The following EFL1 variants were observed in gnomAD, a reference collection of about 807,000 sequenced individuals.
EFL1 encodes elongation factor like GTPase 1.
A neutral mutation model predicts 126.7 loss-of-function variants in EFL1; 76 were observed. That is an observed-to-expected ratio of 0.60 (90% CI 0.50 to 0.73). EFL1 has a LOEUF of 0.73. Among genes scored for constraint, EFL1 ranks in the 30% least tolerant of loss-of-function variants. The pLI, the probability that EFL1 is intolerant of heterozygous loss-of-function variation, is 0.00. For missense variants in EFL1, 1,128 were observed against 1,343.2 expected (o/e 0.84, Z 2.50); for synonymous variants, 410 against 448.4 (o/e 0.91, Z 1.08).
chr15:82,216,521 A>G (rs2074648479), intron 14 of EFL1, among the ~76,000 whole-genome samples: 1 of 152,166 alleles, frequency 6.6e-6, no homozygotes, highest in African/African-American at 2.4e-5. Flanking sequence ...ACAACCAGAA[A>G]AAAATAAAAT....
At chr15:82,200,144 C>G (rs1296718053) in intron 15 of EFL1, among the ~76,000 whole-genome samples, 1 of 152,164 alleles carries the variant, frequency 6.6e-6, no homozygotes, top group African/African-American at 2.4e-5. Context: ...AAAAAACAAA[C>G]CTGAATACCC....
chr15:82,207,006 A>C (rs1223149954), intron 15 of EFL1, among the ~76,000 whole-genome samples: 1 of 152,162 alleles, frequency 6.6e-6, no homozygotes, highest in East Asian at 1.9e-4. Context: ...TTCACTGCTC[A>C]ATAATATACT....
rs1293222398 is a variant in EFL1 at position 82,228,345 on chromosome 15, T to C, written c.933-18A>G. 2 of 1,610,892 alleles carry C rather than the reference T, an allele frequency of 1.2e-6. No individual in the cohort carries two copies. The highest frequency in any genetic ancestry group is 1.7e-6 in the Non-Finnish European group (2 of 1,178,862). ...CTTTGTCCCTGTGGTAAACACAAGA[T>C]TGGAGAGGGGAAATGTCATATGCAG... On this transcript the variant is annotated intron_variant, in intron 9 of 19. Coordinates refer to ENST00000268206, the MANE Select transcript of EFL1 (RefSeq NM_024580.6).
At chr15:82,247,167 C>T (rs1236223143) in intron 4 of EFL1, among the ~76,000 whole-genome samples, 1 of 151,976 alleles carries the variant, frequency 6.6e-6, no homozygotes, top group Non-Finnish European at 1.5e-5. Flanking sequence ...GAATGGGTAC[C>T]TCATTAATCA....
Position 82,163,706 on chromosome 15 carries a change from G to A in EFL1, c.1882+147C>T, listed in dbSNP as rs1595952689. The A allele has an allele frequency of 5.5e-6, 5 of 901,872 alleles. No homozygotes were observed. The East Asian group carries it at 1.4e-4, about 26-fold the overall frequency. 55.9% of individuals were successfully genotyped at this position (901,872 alleles called of 1,614,324 possible). A position where few individuals can be genotyped will look rare whatever the true frequency, so the allele number is the denominator to read the frequency against. ...CATGTTCCTAAGACAGAAGTTAGAT[G>A]CCCTTTGAAGAGTTGCTTCTACTAT... On this transcript the variant is annotated intron_variant, in intron 16 of 19. Coordinates refer to ENST00000268206, the MANE Select transcript of EFL1 (RefSeq NM_024580.6).
chr15:82,256,854 C>A (rs937871892), intron 3 of EFL1, among the ~76,000 whole-genome samples: 2 of 152,042 alleles, frequency 1.3e-5, no homozygotes, highest in African/African-American at 4.8e-5. Flanking sequence ...TTATACTATG[C>A]TGAATTGTTT....
chr15:82,222,502 G>T (rs1333189789), intron 12 of EFL1, among the ~76,000 whole-genome samples: 1 of 152,164 alleles, frequency 6.6e-6, no homozygotes, highest in Non-Finnish European at 1.5e-5. Context: ...ATCTGTCTAA[G>T]TTCATGAAGT....
At chr15:82,132,172 G>A (rs1352566792) in intron 19 of EFL1, among the ~76,000 whole-genome samples, 1 of 152,192 alleles carries the variant, frequency 6.6e-6, no homozygotes, top group Non-Finnish European at 1.5e-5. Context: ...AGCCACAACT[G>A]TGCTTCTTGC....
intron 19 of EFL1, among the ~76,000 whole-genome samples, chr15:82,133,406 C>T (rs578188484): frequency 1.3e-5 from 2 of 152,296 alleles, no homozygotes; most frequent in Non-Finnish European, 2.9e-5. Context: ...TTGTCTGGCT[C>T]CAAAGCCTGC....
rs899423512 is a variant in EFL1 at position 82,130,445 on chromosome 15, C to G, written c.3291G>C (p.Arg1097=). The G allele has an allele frequency of 5.6e-6, 9 of 1,614,182 alleles. No homozygotes were observed. The highest frequency in any genetic ancestry group is 6.8e-6 in the Non-Finnish European group (8 of 1,180,038). The change falls in exon 20 of 20, where the codon CGG becomes CGC. Residue 1097 remains arginine (R), a synonymous_variant. Transcript: ENST00000268206. ...TCTTTTCTTCCACATAAAGCCCCTT[C>G]CGCTTTCGTACTGCGTTCATGTACT... The part of the protein sequence containing the change: ...ARKYMNAVRK[R]KGLYVEEKIV...
chr15:82,157,870 C>T lies in EFL1; in HGVS notation c.1883-10G>A. ...AGCTGAGGCATTTCACCTAGGTTAACAAAACGAAATAGATTAAATATGATA... is the reference window on the plus strand; with the variant it reads ...AGCTGAGGCATTTCACCTAGGTTAATAAAACGAAATAGATTAAATATGATA... On this transcript the variant is annotated splice_polypyrimidine_tract_variant and intron_variant, in intron 16 of 19. Transcript: ENST00000268206. 1 of 1,609,582 alleles carries T rather than the reference C, an allele frequency of 6.2e-7. No homozygotes were observed. The highest frequency in any genetic ancestry group is 8.5e-7 in the Non-Finnish European group (1 of 1,177,140).
intron 15 of EFL1, among the ~76,000 whole-genome samples, chr15:82,172,332 G>C (rs886469090): frequency 3.9e-5 from 6 of 152,178 alleles, no homozygotes; most frequent in Non-Finnish European, 7.3e-5. Flanking sequence ...GTATATCCCA[G>C]AGCAGTGTTG....
At chr15:82,156,129 A>G (rs2073964482) in intron 17 of EFL1, among the ~76,000 whole-genome samples, 1 of 152,152 alleles carries the variant, frequency 6.6e-6, no homozygotes, top group African/African-American at 2.4e-5. Flanking sequence ...GGTCTTGAAG[A>G]TATTCTCTTA....
chr15:82,205,004 G>C (rs1163126634), intron 15 of EFL1, among the ~76,000 whole-genome samples: 2 of 152,202 alleles, frequency 1.3e-5, no homozygotes, highest in African/African-American at 4.8e-5. Context: ...TGGAAATGAA[G>C]AAAACTGCAA....
At chr15:82,203,237 G>A (rs1429158229) in intron 15 of EFL1, among the ~76,000 whole-genome samples, 1 of 152,162 alleles carries the variant, frequency 6.6e-6, no homozygotes, top group African/African-American at 2.4e-5. Flanking sequence ...TAATACTTGT[G>A]TATTTCTCCT....
Position 82,152,145 on chromosome 15 carries a change from C to T in EFL1, c.2309G>A (p.Ser770Asn), listed in dbSNP as rs757915032. ...CTGCTCCATAGAACGAATCAAATCA[C>T]TATTTTCTTCCAGAATCTGGGTGAC... is the stretch of plus-strand genomic sequence containing the variant. ...EEVTQILEENSDLIRSMEQLT... is the reference protein window; with the variant it reads ...EEVTQILEENNDLIRSMEQLT... Residue 770 changes from serine to asparagine, a missense_variant, in exon 18 of 20, where the codon AGT (serine) becomes AAT (asparagine). Coordinates refer to ENST00000268206, the MANE Select transcript of EFL1 (RefSeq NM_024580.6). 52 of 1,614,046 alleles carry T rather than the reference C, an allele frequency of 3.2e-5. No homozygotes were observed. Among genetic ancestry groups the T allele is most frequent in the Admixed American group, 5.0e-5 (3 of 59,996 alleles).
rs554515202 is a variant in EFL1, at chr15:82,155,366, G to A, written c.2030+2347C>T. On this transcript the variant is annotated intron_variant, in intron 17 of 19. Transcript: ENST00000268206. ...AAAATATAAAAGTTAGCTGGGCGTG[G>A]TGGCGTGCACCTGTAGTCCCAGCTA... 2.0e-5 allele frequency among the ~76,000 whole-genome samples: 3 copies of A among 152,210 alleles called. No individual in the cohort carries two copies. The East Asian group carries it at 5.8e-4, about 29-fold the overall frequency.
chr15:82,214,996 G>T, intron 14 of EFL1, 141 bp from the exon 15 acceptor site: 1 of 705,966 alleles, frequency 1.4e-6, no homozygotes, highest in Non-Finnish European at 2.2e-6. Context: ...ATTTGAAATG[G>T]TGTGATAAAA....
At chr15:82,181,004 A>C (rs1326164640) in intron 15 of EFL1, among the ~76,000 whole-genome samples, 1 of 152,166 alleles carries the variant, frequency 6.6e-6, no homozygotes, top group African/African-American at 2.4e-5. Flanking sequence ...CTGGGATTAC[A>C]GGTGTGAGCC....
Sources: gnomAD v4.1 joint callset for allele counts (sites outside exome capture counted in the v4.1 genomes callset) on GRCh38, gnomAD v4.1.1 for gene constraint, MANE v1.5 for transcripts, NCBI Gene and HGNC (gene_info 2026-07-23, HGNC 2026-07-21) for gene names.